The following TRIM23 variants were observed in gnomAD, a reference collection of about 807,000 sequenced individuals.
TRIM23 encodes the protein tripartite motif containing 23.
In TRIM23, 27 loss-of-function variants were observed where a neutral mutation model predicts 71.0. The ratio of observed to expected loss-of-function variants is 0.38; its 90% CI spans 0.28 to 0.52. TRIM23 has a LOEUF of 0.52. Among genes scored for constraint, TRIM23 ranks in the 20% least tolerant of loss-of-function variants. The probability of loss-of-function intolerance (pLI) is 0.84; values close to 1 mark genes in which losing one functional copy is unlikely to be tolerated. For missense variants in TRIM23, 482 were observed against 692.3 expected (o/e 0.70, Z 3.41); for synonymous variants, 234 against 238.0 (o/e 0.98, Z 0.16).
chr5:65,606,917 T>C (rs191016246), intron 6 of TRIM23: 4 of 152,396 alleles, frequency 2.6e-5, no homozygotes, highest in Admixed American at 2.6e-4. Flanking sequence ...CTTGCTAGAA[T>C]GCTAATTTCA....
chr5:65,597,415 T>C lies in TRIM23; in HGVS notation c.1180-235A>G, dbSNP rs993581002. On this transcript the variant is annotated intron_variant, in intron 7 of 10. Transcript: ENST00000231524. ...TAACAGAATATACATACCCACTTAA[T>C]TTTCTCAGATTTTCTAACTCAAATG... Among the ~76,000 whole-genome samples, 9 of 152,284 alleles carry C rather than the reference T, an allele frequency of 5.9e-5. No homozygotes were observed. In the East Asian group the frequency reaches 1.5e-3, roughly 26 times the overall value.
In TRIM23 at chr5:65,590,680, T is replaced by G; in HGVS notation, c.*1089A>C. On this transcript the variant is annotated 3_prime_UTR_variant, in exon 11 of 11. Coordinates refer to ENST00000231524, the MANE Select transcript of TRIM23 (RefSeq NM_001656.4). ...CACTGAATAATTAATGTAAACTTTT[T>G]GAATTTTTTTTTTCTTTAGACATTT... 1.0e-6 allele frequency: 1 copy of G among 985,556 alleles called. No homozygotes were observed. Among genetic ancestry groups the G allele is most frequent in the Non-Finnish European group, 1.2e-6 (1 of 829,634 alleles). 61.1% of individuals were successfully genotyped at this position (985,556 alleles called of 1,614,324 possible). A position where few individuals can be genotyped will look rare whatever the true frequency, so the allele number is the denominator to read the frequency against.
At chr5:65,592,877 C>T (rs917423505) in intron 10 of TRIM23, among the ~76,000 whole-genome samples, 3 of 152,160 alleles carry the variant, frequency 2.0e-5, no homozygotes, top group Non-Finnish European at 4.4e-5. Flanking sequence ...TGTGTGGCTG[C>T]AACATAATTT....
chr5:65,615,568 A>C (rs1271303242), intron 2 of TRIM23, among the ~76,000 whole-genome samples: 1 of 152,068 alleles, frequency 6.6e-6, no homozygotes, highest in African/African-American at 2.4e-5. Flanking sequence ...TCTCCCAAAA[A>C]AACTGGACTG....
chr5:65,594,511 A>T lies in TRIM23; in HGVS notation c.1545+10T>A. 6.3e-7 allele frequency: 1 copy of T among 1,595,318 alleles called. No homozygotes were observed. The highest frequency in any genetic ancestry group is 1.2e-5 in the South Asian group (1 of 86,824). ...ACTAAAATAAATATTCCAATATAAA[A>T]ATGCATTACCTGTTTGTTAGCAAAA... On this transcript the variant is annotated intron_variant, in intron 10 of 10. Coordinates refer to ENST00000231524, the MANE Select transcript of TRIM23 (RefSeq NM_001656.4).
chr5:65,617,093 C>A (rs1395915092), intron 2 of TRIM23, among the ~76,000 whole-genome samples: 1 of 151,740 alleles, frequency 6.6e-6, no homozygotes, highest in Non-Finnish European at 1.5e-5. Flanking sequence ...AATAAAAGTA[C>A]AGAGACTTTC....
At chr5:65,613,611 A>T (rs1341672552) in intron 3 of TRIM23, 2 of 827,202 alleles carry the variant, frequency 2.4e-6, no homozygotes, top group East Asian at 1.5e-4. Flanking sequence ...GTATGGATAA[A>T]GACAGTACAT....
Position 65,590,351 on chromosome 5 carries a change from C to A in TRIM23, c.*1418G>T. 2.8e-6 allele frequency: 4 copies of A among 1,438,974 alleles called. No individual in the cohort carries two copies. The highest frequency in any genetic ancestry group is 2.9e-5 in the South Asian group (2 of 69,192). The allele number at this position is 1,438,974 out of a possible 1,614,324, so 89.1% of individuals were successfully genotyped here. A position where few individuals can be genotyped will look rare whatever the true frequency, so the allele number is the denominator to read the frequency against. ...TACATTTATTTATTTACATATTGCC[C>A]ATAATACTGATAGGCTTTTTTTTTA... On this transcript the variant is annotated 3_prime_UTR_variant, in exon 11 of 11. Coordinates refer to ENST00000231524, the MANE Select transcript of TRIM23 (RefSeq NM_001656.4).
At chr5:65,597,279 C>G in intron 7 of TRIM23, 99 bp from the exon 8 acceptor site, 1 of 1,218,498 alleles carries the variant, frequency 8.2e-7, no homozygotes, top group Non-Finnish European at 1.2e-6. Flanking sequence ...ATTCCTCAAC[C>G]ATTGCAATCT....
intron 1 of TRIM23, among the ~76,000 whole-genome samples, chr5:65,622,498 T>C (rs562136538): frequency 6.6e-6 from 1 of 152,358 alleles, no homozygotes; most frequent in East Asian, 1.9e-4. Flanking sequence ...CAGATTTTTA[T>C]GTTACTGTTT....
intron 3 of TRIM23, 89 bp from the exon 4 acceptor site, chr5:65,611,970 C>T: frequency 8.1e-7 from 1 of 1,240,242 alleles, no homozygotes; most frequent in Non-Finnish European, 1.1e-6. Flanking sequence ...ATCCTTTTTG[C>T]TTAACTGAAC....
chr5:65,591,645 TTATATATATATA>T lies in TRIM23; in HGVS notation c.*112_*123del. 2.8e-6 allele frequency: 2 copies of T among 714,510 alleles called. No individual in the cohort carries two copies. The highest frequency in any genetic ancestry group is 5.2e-5 in the South Asian group (1 of 19,160). 44.3% of individuals were successfully genotyped at this position (714,510 alleles called of 1,614,324 possible). ...ACTGAATTCCCAATCCAAGATTCCT[TTATATATATATA>T]TATATATATGCATCCTAAATTACCA... On this transcript the variant is annotated 3_prime_UTR_variant, in exon 11 of 11. Transcript: ENST00000231524.
chr5:65,595,639 T>C (rs923927090), intron 9 of TRIM23, among the ~76,000 whole-genome samples: 2 of 151,852 alleles, frequency 1.3e-5, no homozygotes, highest in African/African-American at 2.4e-5. Flanking sequence ...GGTGGGAAGA[T>C]TGCTTGAGCC....
At chr5:65,612,517 A>G (rs1042858954) in intron 3 of TRIM23, among the ~76,000 whole-genome samples, 1 of 150,402 alleles carries the variant, frequency 6.6e-6, no homozygotes, top group Non-Finnish European at 1.5e-5. Context: ...CACTGATTTA[A>G]GCAAATAAAA....
intron 7 of TRIM23, among the ~76,000 whole-genome samples, chr5:65,600,871 G>A (rs1330000651): frequency 6.6e-6 from 1 of 152,110 alleles, no homozygotes; most frequent in Non-Finnish European, 1.5e-5. Context: ...ATATACAGAT[G>A]GCCAACAATT....
chr5:65,603,503 T>C (rs1482764061), intron 7 of TRIM23, among the ~76,000 whole-genome samples: 2 of 152,110 alleles, frequency 1.3e-5, no homozygotes, highest in African/African-American at 4.8e-5. Context: ...TATATAAACA[T>C]ATGTCTCTAT....
In TRIM23 at chr5:65,609,323, T is replaced by C. The variant is rs776143265; in HGVS notation, c.964A>G (p.Arg322Gly). Residue 322 changes from arginine (R) to glycine (G), a missense_variant, in exon 6 of 11, where the codon AGG (arginine) becomes GGG (glycine). Physicochemically the swap from Arg to Gly is moderately radical, Grantham distance 125. This residue lies in a region of TRIM23 where 307 missense variants were observed against 495.8 expected (regional missense o/e 0.62). Transcript: ENST00000231524. The part of the protein sequence containing the change: ...AHVREKLIWL[R>G]QQQEDMTILL... ...ATAGTCATATCTTCTTGTTGCTGCC[T>C]GAGCCAAATCAATTTTTCACGAACA... The C allele has an allele frequency of 1.3e-5, 21 of 1,614,212 alleles. No individual in the cohort carries two copies. Among genetic ancestry groups the C allele is most frequent in the South Asian group, 4.4e-5 (4 of 91,084 alleles).
chr5:65,611,578 A>C, intron 4 of TRIM23, 25 bp downstream of exon 4: 1 of 1,602,866 alleles, frequency 6.2e-7, no homozygotes, highest in Non-Finnish European at 8.5e-7. Flanking sequence ...ACAGTGATCC[A>C]ACTGATTAAT....
At chr5:65,613,759 T>C (rs999815560) in intron 3 of TRIM23, 56 of 1,227,184 alleles carry the variant, frequency 4.6e-5, no homozygotes, top group African/African-American at 6.3e-5. Flanking sequence ...TGAGTTTTAC[T>C]GTTGACTACT....
Sources: gnomAD v4.1 joint callset for allele counts (sites outside exome capture counted in the v4.1 genomes callset) on GRCh38, gnomAD v4.1.1 for gene constraint, gnomAD v4.1.1 regional missense constraint, MANE v1.5 for transcripts, NCBI Gene and HGNC (gene_info 2026-07-23, HGNC 2026-07-21) for gene names.